SPAG16: variants seen among roughly 807,000 people sequenced by gnomAD.
SPAG16 encodes the protein sperm associated antigen 16, also known as sperm-associated antigen 16 protein.
In SPAG16, 86 loss-of-function variants were observed where a neutral mutation model predicts 80.4. The ratio of observed to expected loss-of-function variants is 1.07; its 90% CI spans 0.90 to 1.28. The LOEUF (loss-of-function observed/expected upper bound fraction) is 1.28, where lower values mean the gene tolerates loss of function less well. Ranked by LOEUF, SPAG16 falls within the 50% of genes most tolerant of loss-of-function variation. The pLI is 0.00. For missense variants in SPAG16, 870 were observed against 765.3 expected (o/e 1.14, Z -1.61); for synonymous variants, 294 against 265.9 (o/e 1.11, Z -1.03).
At chr2:214,246,705 C>A (rs1689873414) in intron 15 of SPAG16, among the ~76,000 whole-genome samples, 1 of 152,016 alleles carries the variant, frequency 6.6e-6, no homozygotes, top group African/African-American at 2.4e-5. Flanking sequence ...CTAAAACCAC[C>A]CAGCCAAGTC....
intron 10 of SPAG16, among the ~76,000 whole-genome samples, chr2:213,817,213 C>CATAT (rs71063784): frequency 7.0e-6 from 1 of 142,980 alleles, no homozygotes; most frequent in African/African-American, 2.6e-5. Flanking sequence ...ACAAAGCATG[C>CATAT]ATATATATAT....
At chr2:214,297,760 G>T (rs996800415) in intron 15 of SPAG16, among the ~76,000 whole-genome samples, 2 of 149,074 alleles carry the variant, frequency 1.3e-5, no homozygotes, top group African/African-American at 2.4e-5. Context: ...ATAATTTGCA[G>T]TCAGGTATTG....
At chr2:213,515,125 A>G (rs2075372428) in intron 10 of SPAG16, among the ~76,000 whole-genome samples, 2 of 152,048 alleles carry the variant, frequency 1.3e-5, no homozygotes, top group South Asian at 4.1e-4. Flanking sequence ...TCTGAAATAA[A>G]CTAAATAAAT....
At chr2:213,587,067 G>A (rs573414196) in intron 10 of SPAG16, among the ~76,000 whole-genome samples, 1 of 152,194 alleles carries the variant, frequency 6.6e-6, no homozygotes, top group Admixed American at 6.5e-5. Context: ...TGGCTTTTCT[G>A]GGCTTGAATC....
At chr2:213,393,322 TG>T (rs2067866019) in intron 9 of SPAG16, among the ~76,000 whole-genome samples, 2 of 151,620 alleles carry the variant, frequency 1.3e-5, no homozygotes, top group African/African-American at 2.4e-5. Context: ...TATAGCATAA[TG>T]AAAAAATAAT....
intron 15 of SPAG16, among the ~76,000 whole-genome samples, chr2:214,355,735 G>A (rs1698743028): frequency 6.6e-6 from 1 of 151,846 alleles, no homozygotes. Flanking sequence ...TATGTTTATT[G>A]CGGCACTATT....
chr2:214,170,051 T>C (rs1370286286), intron 15 of SPAG16, among the ~76,000 whole-genome samples: 2 of 152,000 alleles, frequency 1.3e-5, no homozygotes, highest in African/African-American at 4.8e-5. Flanking sequence ...ATAAATAATA[T>C]AAATTTTATA....
chr2:214,028,682 T>C (rs1014553736), intron 13 of SPAG16, among the ~76,000 whole-genome samples: 2 of 152,118 alleles, frequency 1.3e-5, no homozygotes, highest in South Asian at 2.1e-4. Flanking sequence ...TATATTAACA[T>C]TGAAATCACT....
intron 15 of SPAG16, among the ~76,000 whole-genome samples, chr2:214,257,629 T>C (rs983613579): frequency 6.6e-6 from 1 of 152,128 alleles, no homozygotes; most frequent in South Asian, 2.1e-4. Flanking sequence ...ATATGGTGAA[T>C]GATAATGATT....
At chr2:214,105,663 C>CT (rs1235961307) in intron 13 of SPAG16, among the ~76,000 whole-genome samples, 2 of 152,214 alleles carry the variant, frequency 1.3e-5, no homozygotes, top group East Asian at 3.9e-4. Context: ...GTAAACTCTT[C>CT]TTTCTTTTTT....
intron 15 of SPAG16, among the ~76,000 whole-genome samples, chr2:214,326,201 A>G (rs909196833): frequency 6.6e-6 from 1 of 152,174 alleles, no homozygotes; most frequent in African/African-American, 2.4e-5. Context: ...ATAAAAAGTA[A>G]CCTTATATGA....
Position 214,258,925 on chromosome 2 carries a change from T to C in SPAG16, c.1720+109659T>C, listed in dbSNP as rs1406562920. ...TCCATTTCCCTACTGAGTATTTTTATTTTTATTCTTTGAGAACATAATTTC... is the reference window on the plus strand; with the variant it reads ...TCCATTTCCCTACTGAGTATTTTTACTTTTATTCTTTGAGAACATAATTTC... On this transcript the variant is annotated intron_variant, in intron 15 of 15. Transcript: ENST00000331683. Among the ~76,000 whole-genome samples, 3 of 152,184 alleles carry C rather than the reference T, an allele frequency of 2.0e-5. No homozygotes were observed. The East Asian group carries it at 5.8e-4, about 29-fold the overall frequency.
Position 214,118,003 on chromosome 2 carries a change from G to A in SPAG16, c.1593+9742G>A, listed in dbSNP as rs191326114. 1.1e-4 allele frequency among the ~76,000 whole-genome samples: 16 copies of A among 152,242 alleles called. 1 individual carries two copies. Among genetic ancestry groups the A allele is most frequent in the Admixed American group, 5.2e-4 (8 of 15,294 alleles). Reference sequence around the variant, plus strand: ...CATAGCACTAGAAGTCCTAGCCAGAGCAATTAGGCAGCAAAAAGAAATAAC... The same window carrying A: ...CATAGCACTAGAAGTCCTAGCCAGAACAATTAGGCAGCAAAAAGAAATAAC... On this transcript the variant is annotated intron_variant, in intron 14 of 15. Transcript: ENST00000331683.
intron 4 of SPAG16, among the ~76,000 whole-genome samples, chr2:213,315,185 T>C (rs1454965071): frequency 6.6e-6 from 1 of 151,984 alleles, no homozygotes; most frequent in East Asian, 1.9e-4. Context: ...ACTTTATTGA[T>C]TGCCATACAC....
At chr2:213,468,678 ATG>A (rs1204669027) in intron 9 of SPAG16, among the ~76,000 whole-genome samples, 2 of 147,188 alleles carry the variant, frequency 1.4e-5, no homozygotes, top group Non-Finnish European at 3.0e-5. Flanking sequence ...GTGTATATAT[ATG>A]TGTGTGTATA....
intron 9 of SPAG16, among the ~76,000 whole-genome samples, chr2:213,487,831 T>C (rs943844008): frequency 6.6e-5 from 10 of 152,138 alleles, no homozygotes; most frequent in Middle Eastern, 3.4e-3. Flanking sequence ...TTTTCTAACA[T>C]AGTAATTTAC....
intron 15 of SPAG16, among the ~76,000 whole-genome samples, chr2:214,206,446 A>G (rs1422411078): frequency 6.6e-6 from 1 of 152,194 alleles, no homozygotes; most frequent in Non-Finnish European, 1.5e-5. Flanking sequence ...GTTGCTGCAA[A>G]TGACAGGATG....
chr2:213,613,478 G>T (rs1173053873), intron 10 of SPAG16, among the ~76,000 whole-genome samples: 3 of 152,092 alleles, frequency 2.0e-5, no homozygotes, highest in African/African-American at 4.8e-5. Context: ...CATTCTCAGG[G>T]CCTTTGCACT....
chr2:213,285,695 T>C (rs1315793875), intron 1 of SPAG16, among the ~76,000 whole-genome samples: 1 of 152,222 alleles, frequency 6.6e-6, no homozygotes, highest in African/African-American at 2.4e-5. Flanking sequence ...AAAGAAAATA[T>C]GTAGTATTTT....
Sources: gnomAD v4.1 joint callset for allele counts (sites outside exome capture counted in the v4.1 genomes callset) on GRCh38, gnomAD v4.1.1 for gene constraint, MANE v1.5 for transcripts, NCBI Gene and HGNC (gene_info 2026-07-23, HGNC 2026-07-21) for gene names.